PDE4B: variants seen among roughly 807,000 people sequenced by gnomAD.
PDE4B encodes 3',5'-cyclic-AMP phosphodiesterase 4B.
A neutral mutation model predicts 82.2 loss-of-function variants in PDE4B; 20 were observed. The ratio of observed to expected loss-of-function variants is 0.24; its 90% CI spans 0.17 to 0.35. PDE4B has a LOEUF of 0.35. PDE4B is among the 10% of genes least tolerant of loss of function. PDE4B has a pLI of 1.00. For synonymous variants in PDE4B, 320 were observed against 318.9 expected, an observed-to-expected ratio of 1.00 and a Z score of -0.04; for missense variants, 655 against 907.2, an observed-to-expected ratio of 0.72 and a Z score of 3.57.
At position 65,932,419 on chromosome 1, in the gene PDE4B, A is replaced by G. The variant is rs1264056094; in HGVS notation, c.281+13584A>G. On this transcript the variant is annotated intron_variant, in intron 3 of 16. Transcript: ENST00000341517. ...ATGGTAGCTGCTAAGAACAAAGAAA[A>G]CAGATTGGCAGGTTGGAGAGGCCCC... 7.9e-5 allele frequency among the ~76,000 whole-genome samples: 12 copies of G among 152,086 alleles called. 1 individual carries two copies. The highest frequency in any genetic ancestry group is 6.6e-4 in the Admixed American group (10 of 15,262).
chr1:65,835,991 G>C (rs1212036961), intron 1 of PDE4B, among the ~76,000 whole-genome samples: 2 of 151,670 alleles, frequency 1.3e-5, no homozygotes, highest in Non-Finnish European at 2.9e-5. Context: ...GCCCAGGCTG[G>C]AGTGCAATGG....
chr1:66,164,878 T>C (rs1646698300), intron 3 of PDE4B, among the ~76,000 whole-genome samples: 1 of 150,142 alleles, frequency 6.7e-6, no homozygotes, highest in Admixed American at 6.7e-5. Flanking sequence ...TTCTCCTGCC[T>C]CAGCCTCCCG....
At chr1:65,851,630 G>T (rs12065338) in intron 1 of PDE4B, among the ~76,000 whole-genome samples, 80,114 of 151,704 alleles carry the variant, frequency 0.53, 21,374 homozygotes, top group Non-Finnish European at 0.57. Context: ...ACTATTTGTT[G>T]CTAGTATATA....
Position 66,200,640 on chromosome 1 carries a change from C to G in PDE4B, c.282-46820C>G, listed in dbSNP as rs1570454403. On this transcript the variant is annotated intron_variant, in intron 3 of 16. Transcript: ENST00000341517. ...ATGGGAGTTCACTCATGATTTGGCT[C>G]TCTGTTTGTCTGTTATTGGTGTATA... Among the ~76,000 whole-genome samples, 10 of 152,180 alleles carry G rather than the reference C, an allele frequency of 6.6e-5. No homozygotes were observed. The South Asian group carries it at 1.9e-3, about 28-fold the overall frequency.
chr1:66,099,876 G>A (rs187556118), intron 3 of PDE4B, among the ~76,000 whole-genome samples: 181 of 152,082 alleles, frequency 1.2e-3, no homozygotes, highest in African/African-American at 4.2e-3. Context: ...TTGAAATGCT[G>A]CCGCTTCCTG....
chr1:65,873,354 T>A (rs1646596552), intron 1 of PDE4B, among the ~76,000 whole-genome samples: 1 of 152,128 alleles, frequency 6.6e-6, no homozygotes, highest in Admixed American at 6.6e-5. Flanking sequence ...GGGGATTATG[T>A]CCCAAAGAGC....
chr1:66,186,499 C>A (rs994550923), intron 3 of PDE4B, among the ~76,000 whole-genome samples: 8 of 152,196 alleles, frequency 5.3e-5, no homozygotes, highest in African/African-American at 1.7e-4. Flanking sequence ...TTTGTATCAT[C>A]TTTTATTTCA....
intron 3 of PDE4B, among the ~76,000 whole-genome samples, chr1:65,958,650 T>C (rs1445065279): frequency 2.0e-5 from 3 of 152,144 alleles, no homozygotes; most frequent in African/African-American, 7.2e-5. Context: ...CTACTCTTTA[T>C]TCTTAATACT....
chr1:66,089,726 T>C (rs753103976), intron 3 of PDE4B, among the ~76,000 whole-genome samples: 5 of 152,080 alleles, frequency 3.3e-5, no homozygotes, highest in African/African-American at 7.2e-5. Flanking sequence ...TGTTTTGTGG[T>C]ATGTTGGCTT....
At chr1:65,865,731 A>G (rs1557785980) in intron 1 of PDE4B, among the ~76,000 whole-genome samples, 1 of 152,132 alleles carries the variant, frequency 6.6e-6, no homozygotes, top group Non-Finnish European at 1.5e-5. Flanking sequence ...AACAGTCCCA[A>G]TGAGATGAAC....
At position 66,282,060 on chromosome 1, in the gene PDE4B, C is replaced by T. The variant is rs563658950; in HGVS notation, c.634+15973C>T. On this transcript the variant is annotated intron_variant, in intron 7 of 16. Transcript: ENST00000341517. ...CATGTGATGCCCACACAGGTACCTG[C>T]GTTGAAGGTACGTACACCCTTGAGA... 2.2e-4 allele frequency among the ~76,000 whole-genome samples: 33 copies of T among 152,302 alleles called. 1 individual carries two copies. The highest frequency in any genetic ancestry group is 7.0e-4 in the African/African-American group (29 of 41,552).
intron 1 of PDE4B, among the ~76,000 whole-genome samples, chr1:65,879,702 C>T (rs991398890): frequency 1.3e-5 from 2 of 152,164 alleles, no homozygotes; most frequent in Admixed American, 6.6e-5. Flanking sequence ...GGCACAATGA[C>T]TTGCCTGTAT....
chr1:66,092,974 G>A (rs937710373), intron 3 of PDE4B, among the ~76,000 whole-genome samples: 3 of 152,092 alleles, frequency 2.0e-5, no homozygotes, highest in Non-Finnish European at 4.4e-5. Flanking sequence ...GTTCGGAAAT[G>A]TGGTTCATAG....
chr1:66,166,536 C>T (rs1476414311), intron 3 of PDE4B, among the ~76,000 whole-genome samples: 1 of 152,068 alleles, frequency 6.6e-6, no homozygotes, highest in Non-Finnish European at 1.5e-5. Context: ...GAGTTAGAGA[C>T]AAGCCTGACC....
intron 1 of PDE4B, among the ~76,000 whole-genome samples, chr1:65,819,636 A>C (rs374311322): frequency 1.5e-3 from 219 of 150,372 alleles, no homozygotes; most frequent in Middle Eastern, 6.9e-3. Flanking sequence ...AGTAGCTGGG[A>C]CTATAGGCGC....
rs537162756 is a variant in PDE4B, at chr1:66,210,392, T to C, written c.282-37068T>C. Among the ~76,000 whole-genome samples the C allele has an allele frequency of 3.3e-5, 5 of 151,648 alleles. No homozygotes were observed. In the South Asian group the frequency reaches 6.2e-4, roughly 19 times the overall value. ...CCGGGCAGATCACGAGGTCAAGAGA[T>C]TGAGACCAGCCTGACCAACATGGTG... On this transcript the variant is annotated intron_variant, in intron 3 of 16. Coordinates refer to ENST00000341517, the MANE Select transcript of PDE4B (RefSeq NM_002600.4).
intron 1 of PDE4B, among the ~76,000 whole-genome samples, chr1:65,871,058 G>A (rs905267259): frequency 6.6e-6 from 1 of 152,104 alleles, no homozygotes; most frequent in African/African-American, 2.4e-5. Context: ...TTAGATCCAG[G>A]GACAGGGGAT....
At chr1:66,014,393 A>G (rs1217056160) in intron 3 of PDE4B, among the ~76,000 whole-genome samples, 1 of 151,894 alleles carries the variant, frequency 6.6e-6, no homozygotes, top group East Asian at 1.9e-4. Context: ...CTTTTCCCCT[A>G]TGTTTCCTTA....
chr1:66,194,624 C>A (rs547886455), intron 3 of PDE4B, among the ~76,000 whole-genome samples: 1 of 152,098 alleles, frequency 6.6e-6, no homozygotes, highest in African/African-American at 2.4e-5. Context: ...TATCAAACAA[C>A]TCCAATTTCG....
Sources: allele counts gnomAD v4.1 joint callset (sites outside exome capture counted in the v4.1 genomes callset), GRCh38; gene constraint gnomAD v4.1.1; transcripts MANE v1.5; gene names NCBI Gene and HGNC (gene_info 2026-07-23, HGNC 2026-07-21).